Variants in GPR137 observed in about 807,000 individuals in gnomAD.
GPR137 encodes the protein integral membrane protein GPR137.
A neutral mutation model predicts 38.9 loss-of-function variants in GPR137; 20 were observed. The observed-to-expected ratio is 0.51, with a 90% CI of 0.36 to 0.75. GPR137 has a LOEUF of 0.75. Among genes scored for constraint, GPR137 ranks in the 30% least tolerant of loss-of-function variants. GPR137 has a pLI of 0.00. For synonymous variants in GPR137, 226 were observed against 235.8 expected, an observed-to-expected ratio of 0.96 and a Z score of 0.38; for missense variants, 456 against 526.4, an observed-to-expected ratio of 0.87 and a Z score of 1.31.
At position 64,286,528 on chromosome 11, in the gene GPR137, G is replaced by A. The variant is rs747502661; in HGVS notation, c.4G>A (p.Glu2Lys). Residue 2 changes from glutamate (E) to lysine (K), a missense_variant, in exon 1 of 7, where the codon GAG becomes AAG. Physicochemically the swap from Glu to Lys is moderately conservative, Grantham distance 56. Coordinates refer to ENST00000438980, the MANE Select transcript of GPR137 (RefSeq NM_001170880.2). ...GATTCAGGCCTCCCTCCCTGACATGGAGAGTAACCTGTCTGGCCTGGTGCC... is the reference window on the plus strand; with the variant it reads ...GATTCAGGCCTCCCTCCCTGACATGAAGAGTAACCTGTCTGGCCTGGTGCC... Reference protein sequence around the residue: MESNLSGLVPAA... With the variant: MKSNLSGLVPAA... The A allele has an allele frequency of 8.7e-6, 14 of 1,608,432 alleles. No homozygotes were observed. In the East Asian group the frequency reaches 3.1e-4, roughly 36 times the overall value.
At chr11:64,284,873 T>G, upstream of GPR137, 1 of 1,475,532 alleles carries the variant, frequency 6.8e-7, no homozygotes, top group Non-Finnish European at 9.0e-7. Context: ...GCTCACATCC[T>G]CGCTGCCTCA....
chr11:64,280,359 T>TAA (rs398115461), upstream of GPR137, among the ~76,000 whole-genome samples: 132 of 113,312 alleles, frequency 1.2e-3, no homozygotes, highest in African/African-American at 2.9e-3. Flanking sequence ...ATAATAATAA[T>TAA]TTTTTTTTTT....
Position 64,286,488 on chromosome 11 carries a change from C to T in GPR137, c.-37C>T, listed in dbSNP as rs559214076. On this transcript the variant is annotated 5_prime_UTR_variant, in exon 1 of 7. Coordinates refer to ENST00000438980, the MANE Select transcript of GPR137 (RefSeq NM_001170880.2). ...TCCCTGGTCCCGCCGACAGTCCCTC[C>T]TTGTCTGTCTCCGGGATTCAGGCCT... 5.0e-6 allele frequency: 8 copies of T among 1,584,714 alleles called. No individual in the cohort carries two copies. The highest frequency in any genetic ancestry group is 2.2e-5 in the East Asian group (1 of 44,596).
upstream of GPR137, chr11:64,272,616 G>A (rs996141253): frequency 6.6e-6 from 1 of 152,248 alleles, no homozygotes; most frequent in African/African-American, 2.4e-5. Flanking sequence ...GTGCACTTAC[G>A]TGTAGGCCGA....
chr11:64,283,777 C>A (rs2033643080), upstream of GPR137, among the ~76,000 whole-genome samples: 1 of 152,156 alleles, frequency 6.6e-6, no homozygotes, highest in South Asian at 2.1e-4. Context: ...TCTGTCCTAA[C>A]CCCACACTAA....
At chr11:64,276,956 G>C (rs755646028) in intron 2 of GPR137, 6 of 753,756 alleles carry the variant, frequency 8.0e-6, no homozygotes. Context: ...GGCTGGGGCG[G>C]ACATCCCTGC....
chr11:64,273,479 G>A (rs1336528554), upstream of GPR137, among the ~76,000 whole-genome samples: 1 of 152,140 alleles, frequency 6.6e-6, no homozygotes, highest in Non-Finnish European at 1.5e-5. Flanking sequence ...TTTGAACTGT[G>A]CTCTGTGCCA....
In GPR137 at chr11:64,289,255, T is replaced by C. The variant is rs759049381; in HGVS notation, c.*59T>C. The stretch of plus-strand genomic sequence containing the variant: ...CAGTCCCCCTCACCCTAGGCCCCTG[T>C]GCCAAGTTTGTCTGCCGCTTCTTGC... On this transcript the variant is annotated 3_prime_UTR_variant, in exon 7 of 7. Transcript: ENST00000438980. 6.2e-7 allele frequency: 1 copy of C among 1,612,924 alleles called. No homozygotes were observed. Among genetic ancestry groups the C allele is most frequent in the Non-Finnish European group, 8.5e-7 (1 of 1,179,630 alleles).
upstream of GPR137, chr11:64,284,213 C>T (rs1039826529): frequency 5.6e-6 from 9 of 1,603,952 alleles, no homozygotes; most frequent in African/African-American, 1.2e-4. Flanking sequence ...TTGGCTGCTC[C>T]TGCTGGTGAC....
chr11:64,285,319 G>A (rs2033829221), upstream of GPR137: 12 of 985,748 alleles, frequency 1.2e-5, no homozygotes, highest in Non-Finnish European at 1.4e-5. Context: ...GAGGGCCGGG[G>A]ACCCGGTGAG....
chr11:64,286,429 T>G lies in GPR137; in HGVS notation c.-96T>G, dbSNP rs1253249162. ...CTCCTGAGCGCCCCATCTCCCTCTC[T>G]GCACCCTGCAATTCCCACCCCTCCG... On this transcript the variant is annotated 5_prime_UTR_variant, in exon 1 of 7. Coordinates refer to ENST00000438980, the MANE Select transcript of GPR137 (RefSeq NM_001170880.2). 1 of 1,518,370 alleles carries G rather than the reference T, an allele frequency of 6.6e-7. No homozygotes were observed. The highest frequency in any genetic ancestry group is 2.3e-5 in the East Asian group (1 of 43,398). 94.1% of individuals were successfully genotyped at this position (1,518,370 alleles called of 1,614,324 possible).
upstream of GPR137, chr11:64,285,099 C>T (rs2033801901): frequency 1.9e-6 from 2 of 1,065,232 alleles, no homozygotes; most frequent in South Asian, 3.1e-5. Flanking sequence ...ACAACTGAAG[C>T]TCAGCCGTCG....
At chr11:64,274,117 G>A (rs2032855109), upstream of GPR137, among the ~76,000 whole-genome samples, 1 of 152,238 alleles carries the variant, frequency 6.6e-6, no homozygotes, top group African/African-American at 2.4e-5. Context: ...AGGTGGCCGG[G>A]TGCGGTGGCT....
At position 64,288,020 on chromosome 11, in the gene GPR137, G is replaced by A. The variant is rs2034317561; in HGVS notation, c.634-45G>A. On this transcript the variant is annotated intron_variant, in intron 3 of 6. Transcript: ENST00000438980. This position sits in a 1 kb window ranked among gnomAD's most constrained non-coding sequence, Gnocchi z 5.5. ...CGGTTCTCAGGGTGTAGAGGAAGCT[G>A]GGAGCCTTCTCTCCCTGAGGGTCCT... The A allele has an allele frequency of 1.2e-6, 2 of 1,604,810 alleles. No individual in the cohort carries two copies. Among genetic ancestry groups the A allele is most frequent in the African/African-American group, 2.7e-5 (2 of 74,910 alleles).
upstream of GPR137, among the ~76,000 whole-genome samples, chr11:64,273,528 C>T (rs564458163): frequency 1.8e-4 from 28 of 152,046 alleles, no homozygotes; most frequent in Non-Finnish European, 3.5e-4. Context: ...CTACCCAGAC[C>T]GATAAAGACT....
intron 2 of GPR137, chr11:64,276,616 G>C (rs565885619): frequency 3.6e-5 from 11 of 303,664 alleles, no homozygotes; most frequent in Non-Finnish European, 5.6e-5. Context: ...CGTGAGCCAC[G>C]GTGCCCAGCC....
upstream of GPR137, chr11:64,284,251 G>A (rs1478683357): frequency 7.4e-6 from 12 of 1,611,002 alleles, no homozygotes; most frequent in South Asian, 2.2e-5. Context: ...CCTGGGGCCT[G>A]GCGATGATGC....
rs2034474858 is a variant in GPR137, at chr11:64,288,979, C to G, written c.1032-58C>G. On this transcript the variant is annotated intron_variant, in intron 6 of 6. Transcript: ENST00000438980. The surrounding 1 kb of genome is among the most constrained non-coding windows in gnomAD (Gnocchi z 5.5). ...TTCTAAGCCTGTCTTCCTCCTGCAG[C>G]TCTTGTGACTGTGGCCCTGGTCACT... 1.4e-6 allele frequency: 2 copies of G among 1,469,144 alleles called. No individual in the cohort carries two copies. The highest frequency in any genetic ancestry group is 2.7e-5 in the South Asian group (2 of 72,956). The allele number at this position is 1,469,144 out of a possible 1,614,324, so 91.0% of individuals were successfully genotyped here. A position where few individuals can be genotyped will look rare whatever the true frequency, so the allele number is the denominator to read the frequency against.
upstream of GPR137, chr11:64,285,741 T>C: frequency 1.0e-6 from 1 of 985,262 alleles, no homozygotes; most frequent in Middle Eastern, 5.2e-4. Context: ...GCGCCAATTC[T>C]CGTACGGTTT....
Sources: allele counts gnomAD v4.1 joint callset (sites outside exome capture counted in the v4.1 genomes callset), GRCh38; gene constraint gnomAD v4.1.1; non-coding constraint Gnocchi (gnomAD v3.1); transcripts MANE v1.5; gene names NCBI Gene and HGNC (gene_info 2026-07-23, HGNC 2026-07-21).